The following MYO1D variants were observed in gnomAD, a reference collection of about 807,000 sequenced individuals.
MYO1D encodes myosin ID.
MYO1D carries 83 observed loss-of-function variants against 122.0 expected under a neutral mutation model. That is an observed-to-expected ratio of 0.68 (90% CI 0.57 to 0.82). MYO1D has a LOEUF of 0.82. Ranked by LOEUF, MYO1D falls within the 40% of genes least tolerant of loss-of-function variation. MYO1D has a pLI of 0.00. For synonymous variants in MYO1D, 464 were observed against 446.9 expected (o/e 1.04, Z -0.48); for missense variants, 1,157 against 1,269.5 (o/e 0.91, Z 1.35).
chr17:32,668,157 T>C (rs1367942431), intron 16 of MYO1D, among the ~76,000 whole-genome samples: 1 of 152,234 alleles, frequency 6.6e-6, no homozygotes, highest in Non-Finnish European at 1.5e-5. Flanking sequence ...GTAATTCATC[T>C]TGAAAATCTC....
chr17:32,683,883 G>C (rs1430708025), intron 16 of MYO1D, among the ~76,000 whole-genome samples: 2 of 151,930 alleles, frequency 1.3e-5, no homozygotes, highest in Non-Finnish European at 2.9e-5. Flanking sequence ...AGACTGCTGT[G>C]CTAGCAATCA....
At chr17:32,533,192 A>T (rs1910565168) in intron 21 of MYO1D, among the ~76,000 whole-genome samples, 1 of 152,148 alleles carries the variant, frequency 6.6e-6, no homozygotes, top group African/African-American at 2.4e-5. Context: ...ATATGCTGAT[A>T]ACTCCCAAAT....
At chr17:32,638,307 T>C (rs565045642) in intron 20 of MYO1D, among the ~76,000 whole-genome samples, 70 of 152,258 alleles carry the variant, frequency 4.6e-4, no homozygotes, top group Admixed American at 1.5e-3. Flanking sequence ...GCACAAAATA[T>C]ATGGTGAAAA....
At chr17:32,625,950 T>C (rs1232031207) in intron 20 of MYO1D, among the ~76,000 whole-genome samples, 1 of 152,212 alleles carries the variant, frequency 6.6e-6, no homozygotes, top group Non-Finnish European at 1.5e-5. Flanking sequence ...CACACACAAA[T>C]GATGAAGCCC....
In MYO1D at chr17:32,653,889, C is replaced by T. The variant is rs149497642; in HGVS notation, c.2549G>A (p.Arg850Gln). 5.0e-5 allele frequency: 80 copies of T among 1,613,962 alleles called. No individual in the cohort carries two copies. The highest frequency in any genetic ancestry group is 2.8e-4 in the Admixed American group (17 of 59,998). The part of the protein sequence containing the change: ...TFVPVANELK[R>Q]KDKYMNVLFS... ...GAGGACATTCATGTATTTGTCCTTC[C>T]GTTTCAATTCATTAGCAACAGGGAC... is the stretch of plus-strand genomic sequence containing the variant. Residue 850 changes from arginine (R) to glutamine (Q), a missense_variant, in exon 19 of 22, where the codon CGG becomes CAG. By Grantham distance (43) the Arg-to-Gln change is conservative. Coordinates refer to ENST00000318217, the MANE Select transcript of MYO1D (RefSeq NM_015194.3).
chr17:32,510,581 G>C (rs1909659789), intron 21 of MYO1D: 1 of 152,208 alleles, frequency 6.6e-6, no homozygotes. Context: ...TCCCTGAGGA[G>C]TACTCCATGG....
At chr17:32,799,915 T>C (rs2090446831) in intron 1 of MYO1D, among the ~76,000 whole-genome samples, 2 of 152,148 alleles carry the variant, frequency 1.3e-5, no homozygotes, top group Non-Finnish European at 2.9e-5. Flanking sequence ...TCTCAAGACA[T>C]ACAAGTGACC....
intron 21 of MYO1D, chr17:32,496,061 C>T (rs1909095617): frequency 6.6e-6 from 1 of 152,340 alleles, no homozygotes; most frequent in Non-Finnish European, 1.5e-5. Context: ...TTCTGCCCAG[C>T]CTGGAGTCGC....
At chr17:32,687,204 T>A in intron 16 of MYO1D, among the ~76,000 whole-genome samples, 1 of 150,596 alleles carries the variant, frequency 6.6e-6, no homozygotes, top group Non-Finnish European at 1.5e-5. Flanking sequence ...AATTTTTTTT[T>A]TTTTTTTTCT....
chr17:32,533,024 A>G lies in MYO1D; in HGVS notation c.2865-38109T>C, dbSNP rs149841749. Reference sequence around the variant, plus strand: ...TGATGGCTTTATGACACTCTCTCACATGGCTTTCAAGGCACAGCGTGTTCT... The same window carrying G: ...TGATGGCTTTATGACACTCTCTCACGTGGCTTTCAAGGCACAGCGTGTTCT... On this transcript the variant is annotated intron_variant, in intron 21 of 21. Coordinates refer to ENST00000318217, the MANE Select transcript of MYO1D (RefSeq NM_015194.3). Among the ~76,000 whole-genome samples the G allele has an allele frequency of 2.0e-3, 297 of 152,212 alleles. 1 individual carries two copies. Among genetic ancestry groups the G allele is most frequent in the African/African-American group, 6.7e-3 (279 of 41,518 alleles).
At chr17:32,687,015 A>G (rs1489554483) in intron 16 of MYO1D, among the ~76,000 whole-genome samples, 3 of 151,592 alleles carry the variant, frequency 2.0e-5, no homozygotes, top group Non-Finnish European at 2.9e-5. Flanking sequence ...ACCAAAAAAC[A>G]AAGAACAAAA....
intron 13 of MYO1D, among the ~76,000 whole-genome samples, chr17:32,739,260 T>C (rs908570234): frequency 2.6e-5 from 4 of 151,072 alleles, no homozygotes; most frequent in Non-Finnish European, 5.9e-5. Context: ...CCATCAATGA[T>C]AGACTGGATT....
chr17:32,812,787 T>C (rs1381766091), intron 1 of MYO1D, among the ~76,000 whole-genome samples: 2 of 152,218 alleles, frequency 1.3e-5, no homozygotes. Context: ...TTCAGCTTCC[T>C]TGCCTTAACA....
At chr17:32,659,556 T>G (rs1281768038) in intron 16 of MYO1D, 1 of 574,384 alleles carries the variant, frequency 1.7e-6, no homozygotes, top group Non-Finnish European at 3.1e-6. Context: ...AGCTGCTCAT[T>G]ATTCTACACT....
intron 21 of MYO1D, among the ~76,000 whole-genome samples, chr17:32,561,603 T>A (rs1367150397): frequency 6.7e-6 from 1 of 148,342 alleles, no homozygotes; most frequent in Non-Finnish European, 1.5e-5. Context: ...GGCAGGAGAA[T>A]CGCTTGAACC....
chr17:32,820,595 G>A (rs2090652510), intron 1 of MYO1D, among the ~76,000 whole-genome samples: 1 of 152,146 alleles, frequency 6.6e-6, no homozygotes, highest in Admixed American at 6.5e-5. Flanking sequence ...GAAAAAGAAA[G>A]AATGGTTGTT....
intron 21 of MYO1D, among the ~76,000 whole-genome samples, chr17:32,560,819 C>T (rs899133829): frequency 3.3e-5 from 5 of 150,594 alleles, no homozygotes; most frequent in East Asian, 1.9e-4. Flanking sequence ...GGGGTTTCAT[C>T]GTGTTGTTCA....
At chr17:32,719,951 T>C (rs770694523) in intron 15 of MYO1D, among the ~76,000 whole-genome samples, 7 of 152,222 alleles carry the variant, frequency 4.6e-5, no homozygotes, top group Non-Finnish European at 8.8e-5. Flanking sequence ...CCCTGGCTGT[T>C]CCCTCTGCCC....
At chr17:32,676,453 T>G (rs888652270) in intron 16 of MYO1D, among the ~76,000 whole-genome samples, 2 of 152,112 alleles carry the variant, frequency 1.3e-5, no homozygotes, top group Non-Finnish European at 2.9e-5. Flanking sequence ...TTACAAAGAT[T>G]TCTTAGCATT....
Sources: gnomAD v4.1 joint callset for allele counts (sites outside exome capture counted in the v4.1 genomes callset) on GRCh38, gnomAD v4.1.1 for gene constraint, MANE v1.5 for transcripts, NCBI Gene and HGNC (gene_info 2026-07-23, HGNC 2026-07-21) for gene names.